The following ERBB4 variants were observed in gnomAD, a reference collection of about 807,000 sequenced individuals.
ERBB4 encodes the protein erb-b2 receptor tyrosine kinase 4.
Under a neutral mutation model 158.0 loss-of-function variants are expected in ERBB4, and 42 were observed. The ratio of observed to expected loss-of-function variants is 0.27; its 90% CI spans 0.21 to 0.34. The LOEUF is 0.34. Among genes scored for constraint, ERBB4 ranks in the 10% least tolerant of loss-of-function variants. The probability of loss-of-function intolerance (pLI) is 1.00; values close to 1 mark genes in which losing one functional copy is unlikely to be tolerated. For missense variants in ERBB4, 1,333 were observed against 1,624.1 expected, an observed-to-expected ratio of 0.82 and a Z score of 3.08; for synonymous variants, 583 against 558.7, an observed-to-expected ratio of 1.04 and a Z score of -0.61.
At chr2:212,068,675 C>G (rs112578467) in intron 2 of ERBB4, among the ~76,000 whole-genome samples, 14 of 152,146 alleles carry the variant, frequency 9.2e-5, no homozygotes, top group African/African-American at 3.1e-4. Context: ...GACTAATACG[C>G]TCTTTGTTCT....
At chr2:211,954,121 T>A (rs1010877848) in intron 2 of ERBB4, among the ~76,000 whole-genome samples, 2 of 152,046 alleles carry the variant, frequency 1.3e-5, no homozygotes, top group Admixed American at 6.6e-5. Flanking sequence ...GTATTTGATA[T>A]AAATCCCTAA....
chr2:212,346,856 A>T (rs989806405), intron 1 of ERBB4, among the ~76,000 whole-genome samples: 3 of 152,100 alleles, frequency 2.0e-5, no homozygotes, highest in Admixed American at 1.3e-4. Context: ...TAATTAATAG[A>T]CCTCAAAATG....
chr2:211,595,412 A>C (rs757183924), intron 19 of ERBB4, among the ~76,000 whole-genome samples: 14 of 152,202 alleles, frequency 9.2e-5, no homozygotes, highest in Non-Finnish European at 1.8e-4. Flanking sequence ...AGACAATAAA[A>C]GAAAAATATT....
At chr2:211,884,806 T>G (rs937179629) in intron 3 of ERBB4, among the ~76,000 whole-genome samples, 1 of 152,196 alleles carries the variant, frequency 6.6e-6, no homozygotes, top group East Asian at 1.9e-4. Context: ...TTGGGTTAAG[T>G]TGAAAAAATT....
intron 3 of ERBB4, among the ~76,000 whole-genome samples, chr2:211,944,929 G>A (rs2080637487): frequency 6.6e-6 from 1 of 152,090 alleles, no homozygotes; most frequent in Non-Finnish European, 1.5e-5. Flanking sequence ...CGACTAATCA[G>A]CAGATTTGCT....
At chr2:212,021,040 T>A (rs531389916) in intron 2 of ERBB4, among the ~76,000 whole-genome samples, 8 of 152,246 alleles carry the variant, frequency 5.3e-5, no homozygotes, top group African/African-American at 1.4e-4. Context: ...TGAATCTAGT[T>A]TTAGAATATA....
chr2:212,012,605 G>A (rs1575514862), intron 2 of ERBB4, among the ~76,000 whole-genome samples: 1 of 151,964 alleles, frequency 6.6e-6, no homozygotes, highest in African/African-American at 2.4e-5. Context: ...AGCAGAGATG[G>A]GGCTTCACCA....
At chr2:212,458,458 AT>A (rs1688412891) in intron 1 of ERBB4, among the ~76,000 whole-genome samples, 1 of 152,126 alleles carries the variant, frequency 6.6e-6, no homozygotes. Flanking sequence ...GAGAAACCCA[AT>A]TTTGCAATAA....
chr2:211,912,260 T>G (rs992777808), intron 3 of ERBB4, among the ~76,000 whole-genome samples: 1 of 152,184 alleles, frequency 6.6e-6, no homozygotes, highest in Non-Finnish European at 1.5e-5. Flanking sequence ...GTCTTGTTTT[T>G]GTTCTGTACC....
chr2:212,524,539 A>G (rs1484081218), intron 1 of ERBB4, among the ~76,000 whole-genome samples: 1 of 152,054 alleles, frequency 6.6e-6, no homozygotes, highest in African/African-American at 2.4e-5. Context: ...GGGAAAATGT[A>G]TAGCATTTGC....
intron 23 of ERBB4, among the ~76,000 whole-genome samples, chr2:211,423,938 A>G (rs998688116): frequency 2.0e-5 from 3 of 152,000 alleles, no homozygotes; most frequent in African/African-American, 7.2e-5. Flanking sequence ...CATGGAGATT[A>G]TAAGAATAAA....
At chr2:212,376,194 G>T (rs143020451) in intron 1 of ERBB4, among the ~76,000 whole-genome samples, 10 of 152,022 alleles carry the variant, frequency 6.6e-5, no homozygotes. Context: ...CTGCAGAAAA[G>T]AGCAGAGCAT....
chr2:212,096,119 C>G (rs1017500374), intron 2 of ERBB4, among the ~76,000 whole-genome samples: 1 of 151,798 alleles, frequency 6.6e-6, no homozygotes, highest in African/African-American at 2.4e-5. Flanking sequence ...TTTGAAAAAA[C>G]TTTTAATTTA....
At chr2:211,446,633 T>C (rs146632037) in intron 20 of ERBB4, among the ~76,000 whole-genome samples, 1 of 152,232 alleles carries the variant, frequency 6.6e-6, no homozygotes, top group East Asian at 1.9e-4. Context: ...CATCTAAACA[T>C]TTAAAAAATA....
intron 5 of ERBB4, among the ~76,000 whole-genome samples, chr2:211,740,445 G>C (rs2074749602): frequency 6.6e-6 from 1 of 151,788 alleles, no homozygotes; most frequent in African/African-American, 2.4e-5. Flanking sequence ...ATCTTTACAT[G>C]TCTGATATTT....
intron 2 of ERBB4, among the ~76,000 whole-genome samples, chr2:212,079,481 G>A (rs1319760424): frequency 1.3e-5 from 2 of 152,008 alleles, no homozygotes; most frequent in African/African-American, 4.8e-5. Context: ...TATAGAATTT[G>A]CTGAATGACT....
At chr2:212,256,306 C>T (rs1474904190) in intron 1 of ERBB4, among the ~76,000 whole-genome samples, 1 of 151,990 alleles carries the variant, frequency 6.6e-6, no homozygotes, top group Non-Finnish European at 1.5e-5. Context: ...ATATAAAGCA[C>T]TAGTATTTAT....
chr2:212,127,346 A>T (rs2079965186), intron 1 of ERBB4, among the ~76,000 whole-genome samples: 1 of 152,248 alleles, frequency 6.6e-6, no homozygotes, highest in Non-Finnish European at 1.5e-5. Flanking sequence ...TAATCCCAGC[A>T]CTTTGGGAGG....
At chr2:211,552,154 G>T (rs1442391752) in intron 20 of ERBB4, among the ~76,000 whole-genome samples, 1 of 151,912 alleles carries the variant, frequency 6.6e-6, no homozygotes, top group African/African-American at 2.4e-5. Context: ...GGTTTTATTA[G>T]CTCCAATTAG....
Sources: gnomAD v4.1 joint callset for allele counts (sites outside exome capture counted in the v4.1 genomes callset) on GRCh38, gnomAD v4.1.1 for gene constraint, MANE v1.5 for transcripts, NCBI Gene and HGNC (gene_info 2026-07-23, HGNC 2026-07-21) for gene names.